CILP: variants seen among roughly 807,000 people sequenced by gnomAD.
The protein encoded by CILP is cartilage intermediate layer protein.
A neutral mutation model predicts 82.5 loss-of-function variants in CILP; 75 were observed. The ratio of observed to expected loss-of-function variants is 0.91; its 90% CI spans 0.75 to 1.10. The LOEUF (loss-of-function observed/expected upper bound fraction) is 1.10, where lower values mean the gene tolerates loss of function less well. Among genes scored for constraint, CILP ranks in the 50% least tolerant of loss-of-function variants. The pLI is 0.00. For synonymous variants in CILP, 530 were observed against 580.3 expected, an observed-to-expected ratio of 0.91 and a Z score of 1.25; for missense variants, 1,479 against 1,530.8, an observed-to-expected ratio of 0.97 and a Z score of 0.56.
At chr15:65,209,300 T>C (rs559784794) in intron 2 of CILP, among the ~76,000 whole-genome samples, 1 of 152,182 alleles carries the variant, frequency 6.6e-6, no homozygotes, top group East Asian at 1.9e-4. Flanking sequence ...CAAAAGAATC[T>C]TCATAAAACT....
chr15:65,198,803 G>A lies in CILP; in HGVS notation c.1483C>T (p.Arg495Cys), dbSNP rs202163505. The change falls in exon 9 of 9, where the codon CGT (arginine) becomes TGT (cysteine). Residue 495 changes from arginine to cysteine, a missense_variant. By Grantham distance (180) the Arg-to-Cys change is radical (BLOSUM62 -3). Coordinates refer to ENST00000261883, the MANE Select transcript of CILP (RefSeq NM_003613.4). ...CTETRSIVRG[R>C]VSAADNGEPM... is the part of the protein sequence containing the mutation. ...TCCCCATTGTCAGCAGCACTGACACGGCCCCGCACGATGCTCCGAGTTTCC... is the reference window on the plus strand; with the variant it reads ...TCCCCATTGTCAGCAGCACTGACACAGCCCCGCACGATGCTCCGAGTTTCC... 13 of 1,614,148 alleles carry A rather than the reference G, an allele frequency of 8.1e-6. No individual in the cohort carries two copies. The highest frequency in any genetic ancestry group is 4.5e-5 in the East Asian group (2 of 44,880).
At position 65,204,294 on chromosome 15, in the gene CILP, G is replaced by A. The variant is rs756742823; in HGVS notation, c.893C>T (p.Thr298Ile). The A allele has an allele frequency of 4.3e-6, 7 of 1,613,962 alleles. No individual in the cohort carries two copies. Among genetic ancestry groups the A allele is most frequent in the Middle Eastern group, 1.6e-4 (1 of 6,062 alleles). Residue 298 changes from threonine to isoleucine, a missense_variant, in exon 6 of 9, where the codon ACC becomes ATC. Coordinates refer to ENST00000261883, the MANE Select transcript of CILP (RefSeq NM_003613.4). ...TGCCCTCACAAACTCTGCCTTGATGGTGGCTGCCTTCAGGCTAGTCTTGGG... is the reference window on the plus strand; with the variant it reads ...TGCCCTCACAAACTCTGCCTTGATGATGGCTGCCTTCAGGCTAGTCTTGGG... ...TMPKTSLKAA[T>I]IKAEFVRAET...
chr15:65,198,104 T>G lies in CILP; in HGVS notation c.2182A>C (p.Thr728Pro). 1.2e-6 allele frequency: 2 copies of G among 1,614,178 alleles called. No individual in the cohort carries two copies. Among genetic ancestry groups the G allele is most frequent in the Non-Finnish European group, 1.7e-6 (2 of 1,180,028 alleles). Residue 728 changes from threonine (T) to proline (P), a missense_variant, in exon 9 of 9, where the codon ACC becomes CCC. Physicochemically the swap from Thr to Pro is conservative, Grantham distance 38. Coordinates refer to ENST00000261883, the MANE Select transcript of CILP (RefSeq NM_003613.4). ...ATCTCCAGGTTGCCCACCAGGAAGG[T>G]TCTGTCTTCTCTTTTGTTCCTCCTT... ...NQRRNKREDR[T>P]FLVGNLEIRE... is the part of the protein sequence containing the mutation.
intron 7 of CILP, 122 bp from the exon 8 acceptor site, chr15:65,202,151 C>T (rs1009340145): frequency 2.1e-5 from 17 of 801,680 alleles, no homozygotes; most frequent in Middle Eastern, 7.0e-4. Flanking sequence ...ATGTCAATAT[C>T]ACCTTTGACT....
At position 65,198,622 on chromosome 15, in the gene CILP, A is replaced by G; in HGVS notation, c.1664T>C (p.Leu555Pro). 9 of 1,614,222 alleles carry G rather than the reference A, an allele frequency of 5.6e-6. No homozygotes were observed. Among genetic ancestry groups the G allele is most frequent in the African/African-American group, 1.3e-5 (1 of 75,066 alleles). ...GGCACTCCCCTTCTTGTTGAAAGGT[A>G]GCACTTTGGTGGTGTTGACAAACTT... is the stretch of plus-strand genomic sequence containing the variant. ...LQKFVNTTKV[L>P]PFNKKGSAVF... is the part of the protein sequence containing the mutation. Residue 555 changes from leucine to proline, a missense_variant, in exon 9 of 9, where the codon CTA becomes CCA. Physicochemically the swap from Leu to Pro is moderately conservative, Grantham distance 98 (BLOSUM62 -3). Transcript: ENST00000261883.
At chr15:65,209,622 T>C in intron 2 of CILP, 73 bp downstream of exon 2, 2 of 1,454,756 alleles carry the variant, frequency 1.4e-6, no homozygotes, top group Admixed American at 1.7e-5. Context: ...GATGCATAGT[T>C]CAGTCCCAGA....
intron 7 of CILP, 52 bp from the exon 8 acceptor site, chr15:65,202,081 T>A: frequency 6.9e-7 from 1 of 1,438,952 alleles, no homozygotes; most frequent in African/African-American, 1.5e-5. Context: ...GGGCAGGTAT[T>A]CCTAGAAAAG....
chr15:65,198,142 T>G lies in CILP; in HGVS notation c.2144A>C (p.Lys715Thr). ...TTTGTTCCTCCTTTGATTTTCAAATTTGAAATCACCTTCCTCCTCCCACAG... is the reference window on the plus strand; with the variant it reads ...TTTGTTCCTCCTTTGATTTTCAAATGTGAAATCACCTTCCTCCTCCCACAG... Reference protein sequence around the residue: ...TGLWEEEGDFKFENQRRNKRE... With the variant: ...TGLWEEEGDFTFENQRRNKRE... Residue 715 changes from lysine (K) to threonine (T), a missense_variant, in exon 9 of 9, where the codon AAA becomes ACA. Lys to Thr is a moderately conservative substitution (Grantham distance 78). Transcript: ENST00000261883. 1 of 1,614,248 alleles carries G rather than the reference T, an allele frequency of 6.2e-7. No individual in the cohort carries two copies. Among genetic ancestry groups the G allele is most frequent in the Non-Finnish European group, 8.5e-7 (1 of 1,180,050 alleles).
At chr15:65,208,508 A>G (rs534143761) in intron 2 of CILP, among the ~76,000 whole-genome samples, 5 of 152,224 alleles carry the variant, frequency 3.3e-5, no homozygotes, top group Non-Finnish European at 7.3e-5. Flanking sequence ...TTTTAGCTCA[A>G]CGCCAGAATA....
rs142177709 is a variant in CILP, at chr15:65,198,103, G to T, written c.2183C>A (p.Thr728Asn). The T allele has an allele frequency of 2.8e-5, 46 of 1,614,220 alleles. 1 individual carries two copies. Among genetic ancestry groups the T allele is most frequent in the Middle Eastern group, 3.3e-4 (2 of 6,062 alleles). ...AATCTCCAGGTTGCCCACCAGGAAGGTTCTGTCTTCTCTTTTGTTCCTCCT... is the reference window on the plus strand; with the variant it reads ...AATCTCCAGGTTGCCCACCAGGAAGTTTCTGTCTTCTCTTTTGTTCCTCCT... ...NQRRNKREDRTFLVGNLEIRE... is the reference protein window; with the variant it reads ...NQRRNKREDRNFLVGNLEIRE... Residue 728 changes from threonine (T) to asparagine (N), a missense_variant, in exon 9 of 9, where the codon ACC (threonine) becomes AAC (asparagine). Thr to Asn is a moderately conservative substitution (Grantham distance 65). Transcript: ENST00000261883.
intron 4 of CILP, among the ~76,000 whole-genome samples, chr15:65,206,456 C>T (rs867350306): frequency 2.0e-5 from 3 of 152,216 alleles, no homozygotes; most frequent in South Asian, 4.1e-4. Context: ...CATCATATTG[C>T]GGGCTCAGAA....
rs372849933 is a variant in CILP, at chr15:65,198,739, C to T, written c.1547G>A (p.Arg516His). Residue 516 changes from arginine (R) to histidine (H), a missense_variant, in exon 9 of 9, where the codon CGT becomes CAT. Physicochemically the swap from Arg to His is conservative, Grantham distance 29. Coordinates refer to ENST00000261883, the MANE Select transcript of CILP (RefSeq NM_003613.4). ...RFGHVYMGNSRVSMTGYKGTF... is the reference protein window; with the variant it reads ...RFGHVYMGNSHVSMTGYKGTF... ...GCCCTTGTAGCCAGTCATGCTTACACGGCTGTTCCCCATGTACACATGGCC... is the reference window on the plus strand; with the variant it reads ...GCCCTTGTAGCCAGTCATGCTTACATGGCTGTTCCCCATGTACACATGGCC... The T allele has an allele frequency of 1.7e-4, 282 of 1,614,192 alleles. No homozygotes were observed. Among genetic ancestry groups the T allele is most frequent in the Admixed American group, 9.7e-4 (58 of 60,022 alleles).
At chr15:65,202,112 G>A in intron 7 of CILP, 83 bp from the exon 8 acceptor site, 2 of 1,183,928 alleles carry the variant, frequency 1.7e-6, no homozygotes, top group East Asian at 5.6e-5. Flanking sequence ...AGGCAGCCAA[G>A]GAGACAGATG....
chr15:65,203,789 T>C (rs1472599281), intron 6 of CILP, among the ~76,000 whole-genome samples: 3 of 152,206 alleles, frequency 2.0e-5, no homozygotes, highest in African/African-American at 4.8e-5. Context: ...TAGTGCAATA[T>C]TCATGTTCTG....
At chr15:65,200,372 G>T (rs1363980144) in intron 8 of CILP, among the ~76,000 whole-genome samples, 1 of 152,186 alleles carries the variant, frequency 6.6e-6, no homozygotes, top group Admixed American at 6.5e-5. Context: ...TGTGTGTCTT[G>T]TCTGCCCTGA....
In CILP at chr15:65,195,906, G is replaced by T. The variant is rs1337809685; in HGVS notation, c.*825C>A. 2 of 152,254 alleles carry T rather than the reference G, an allele frequency of 1.3e-5. No homozygotes were observed. The highest frequency in any genetic ancestry group is 1.3e-4 in the Admixed American group (2 of 15,284). 9.4% of individuals were successfully genotyped at this position (152,254 alleles called of 1,614,324 possible). On this transcript the variant is annotated 3_prime_UTR_variant, in exon 9 of 9. Transcript: ENST00000261883. ...GTTGCCCTGCCCTGTAACTTAGGGGGCGAGGACTTACACCACCTGTGACTG... is the reference window on the plus strand; with the variant it reads ...GTTGCCCTGCCCTGTAACTTAGGGGTCGAGGACTTACACCACCTGTGACTG...
intron 7 of CILP, 24 bp from the exon 8 acceptor site, chr15:65,202,053 C>A (rs1287596801): frequency 2.0e-6 from 3 of 1,532,406 alleles, no homozygotes; most frequent in Non-Finnish European, 2.6e-6. Flanking sequence ...AGAGGTAGAA[C>A]CTGAATGGGC....
In CILP at chr15:65,198,874, G is replaced by A. The variant is rs867716353; in HGVS notation, c.1412C>T (p.Thr471Met). 2.6e-4 allele frequency: 423 copies of A among 1,614,040 alleles called. 8 individuals are homozygous for A. The South Asian group carries it at 2.7e-3, about 10-fold the overall frequency. Residue 471 changes from threonine to methionine, a missense_variant, in exon 9 of 9, where the codon ACG becomes ATG. Transcript: ENST00000261883. ...EEREIQCSGY[T>M]LPTKVAKECS... ...CTCCTTGGCCACCTTGGTGGGTAGC[G>A]TGTAGCCACTGCACTGGATCTCCCT...
Position 65,195,702 on chromosome 15 carries a change from G to C in CILP, c.*1029C>G, listed in dbSNP as rs2088352727. 1 of 152,180 alleles carries C rather than the reference G, an allele frequency of 6.6e-6. No homozygotes were observed. Among genetic ancestry groups the C allele is most frequent in the Non-Finnish European group, 1.5e-5 (1 of 68,032 alleles). 9.4% of individuals were successfully genotyped at this position (152,180 alleles called of 1,614,324 possible). Reference sequence around the variant, plus strand: ...CCACTTGGCCAGCTTGTCAGACCCTGGGCCAAGCCATTGTATAAGCTCCAA... The same window carrying C: ...CCACTTGGCCAGCTTGTCAGACCCTCGGCCAAGCCATTGTATAAGCTCCAA... On this transcript the variant is annotated 3_prime_UTR_variant, in exon 9 of 9. Coordinates refer to ENST00000261883, the MANE Select transcript of CILP (RefSeq NM_003613.4).
Sources: allele counts gnomAD v4.1 joint callset (sites outside exome capture counted in the v4.1 genomes callset), GRCh38; gene constraint gnomAD v4.1.1; transcripts MANE v1.5; gene names NCBI Gene and HGNC (gene_info 2026-07-23, HGNC 2026-07-21).